Variants in AFG2A observed in about 807,000 individuals in gnomAD.
AFG2A encodes the protein ATPase family gene 2 protein homolog A.
At chr4:123,090,658 G>C in the AFG2A span, 3 of 1,614,142 alleles carry the variant, frequency 1.9e-6, no homozygotes, top group Non-Finnish European at 2.5e-6. Flanking sequence ...ACAGCTAAAG[G>C]ATGTGACCAT....
the AFG2A span, among the ~76,000 whole-genome samples, chr4:122,931,306 C>T: frequency 2.8e-3 from 424 of 151,840 alleles, 3 homozygotes; most frequent in African/African-American, 9.8e-3. Flanking sequence ...ATGAAATTTC[C>T]CCCTCATTGT....
chr4:122,988,049 G>T, the AFG2A span, among the ~76,000 whole-genome samples: 2 of 133,892 alleles, frequency 1.5e-5, no homozygotes, highest in Admixed American at 8.0e-5. Flanking sequence ...TTCTGGTATA[G>T]TATTCTTTGT....
the AFG2A span, among the ~76,000 whole-genome samples, chr4:123,015,623 C>A: frequency 2.6e-4 from 39 of 151,316 alleles, no homozygotes; most frequent in African/African-American, 9.0e-4. Context: ...TTTCTCAATC[C>A]TTTCCCCGCC....
chr4:123,030,854 G>A, the AFG2A span, among the ~76,000 whole-genome samples: 1 of 152,118 alleles, frequency 6.6e-6, no homozygotes, highest in African/African-American at 2.4e-5. Flanking sequence ...AATCTAAAAT[G>A]CTAAAGTGGG....
chr4:123,030,802 C>T, the AFG2A span, among the ~76,000 whole-genome samples: 1 of 152,192 alleles, frequency 6.6e-6, no homozygotes, highest in Non-Finnish European at 1.5e-5. Flanking sequence ...GAAATATTTG[C>T]ATTATACTTC....
At chr4:123,082,911 T>C in the AFG2A span, among the ~76,000 whole-genome samples, 1 of 152,168 alleles carries the variant, frequency 6.6e-6, no homozygotes, top group African/African-American at 2.4e-5. Context: ...AACTCATTTT[T>C]TTGGGGTGCT....
At chr4:123,047,804 G>A in the AFG2A span, among the ~76,000 whole-genome samples, 1 of 151,888 alleles carries the variant, frequency 6.6e-6, no homozygotes, top group Non-Finnish European at 1.5e-5. Context: ...CAGGGTTCAA[G>A]CAATCTTCCT....
chr4:123,302,465 C>T, the AFG2A span, among the ~76,000 whole-genome samples: 1 of 152,092 alleles, frequency 6.6e-6, no homozygotes. Flanking sequence ...ATTATCTTGA[C>T]TATAATTGTC....
chr4:123,217,814 T>C, the AFG2A span, among the ~76,000 whole-genome samples: 3 of 152,220 alleles, frequency 2.0e-5, no homozygotes, highest in Non-Finnish European at 4.4e-5. Context: ...TTTTTTCCTC[T>C]CTTTACTTTT....
At chr4:123,212,942 AG>A in the AFG2A span, among the ~76,000 whole-genome samples, 10 of 152,164 alleles carry the variant, frequency 6.6e-5, no homozygotes, top group African/African-American at 2.4e-4. Context: ...AATAACACAG[AG>A]CCTGTTATAT....
chr4:123,170,929 AT>A, the AFG2A span, among the ~76,000 whole-genome samples: 2 of 152,146 alleles, frequency 1.3e-5, no homozygotes, highest in Non-Finnish European at 2.9e-5. Flanking sequence ...TAACCCACCT[AT>A]TTAACAGGGT....
At chr4:123,004,278 C>G in the AFG2A span, among the ~76,000 whole-genome samples, 1 of 152,226 alleles carries the variant, frequency 6.6e-6, no homozygotes, top group Non-Finnish European at 1.5e-5. Flanking sequence ...GGAAATGCCT[C>G]GGCCTGCTTC....
chr4:123,136,342 G>A, the AFG2A span, among the ~76,000 whole-genome samples: 1 of 151,294 alleles, frequency 6.6e-6, no homozygotes, highest in East Asian at 1.9e-4. Flanking sequence ...TAGACCAGCC[G>A]AACCAACATG....
the AFG2A span, among the ~76,000 whole-genome samples, chr4:123,067,779 TA>T: frequency 6.6e-6 from 1 of 152,166 alleles, no homozygotes; most frequent in East Asian, 1.9e-4. Flanking sequence ...TTCTTAAAGA[TA>T]GGGGTAAGCA....
the AFG2A span, among the ~76,000 whole-genome samples, chr4:122,931,506 ATAATATATATAC>A: frequency 6.6e-6 from 1 of 152,156 alleles, no homozygotes; most frequent in Admixed American, 6.5e-5. Flanking sequence ...ATGTATATAT[ATAATATATATAC>A]ATACACACAC....
chr4:122,968,191 C>T, the AFG2A span, among the ~76,000 whole-genome samples: 1 of 152,080 alleles, frequency 6.6e-6, no homozygotes, highest in Non-Finnish European at 1.5e-5. Flanking sequence ...TCTAAAACTA[C>T]CATCCCTCAA....
chr4:122,940,724 T>A, the AFG2A span, among the ~76,000 whole-genome samples: 1 of 152,142 alleles, frequency 6.6e-6, no homozygotes, highest in Non-Finnish European at 1.5e-5. Context: ...ATGTCCTGAA[T>A]GGTAATGCCT....
At chr4:123,151,532 A>G in the AFG2A span, among the ~76,000 whole-genome samples, 75 of 152,212 alleles carry the variant, frequency 4.9e-4, no homozygotes, top group Non-Finnish European at 9.7e-4. Context: ...TAAGAAAAAA[A>G]GGTCATCACT....
the AFG2A span, among the ~76,000 whole-genome samples, chr4:122,966,513 C>T: frequency 7.2e-4 from 109 of 152,256 alleles, no homozygotes; most frequent in Non-Finnish European, 1.5e-3. Context: ...ATATGCTGTT[C>T]CCCCTGCTTG....
Sources: gnomAD v4.1 joint callset for allele counts (sites outside exome capture counted in the v4.1 genomes callset) on GRCh38, gnomAD v4.1.1 for gene constraint, MANE v1.5 for transcripts, NCBI Gene and HGNC (gene_info 2026-07-23, HGNC 2026-07-21) for gene names.